SGPP2: variants seen among roughly 807,000 people sequenced by gnomAD.
The protein encoded by SGPP2 is sphingosine-1-phosphate phosphatase 2.
SGPP2 carries 30 observed loss-of-function variants against 33.9 expected under a neutral mutation model. The ratio of observed to expected loss-of-function variants is 0.89; its 90% CI spans 0.66 to 1.20. The LOEUF (loss-of-function observed/expected upper bound fraction) is 1.20, where lower values mean the gene tolerates loss of function less well. Ranked by LOEUF, SGPP2 falls within the 50% of genes most tolerant of loss-of-function variation. The pLI is 0.00. For synonymous variants in SGPP2, 233 were observed against 225.0 expected, an observed-to-expected ratio of 1.04 and a Z score of -0.32; for missense variants, 458 against 532.1, an observed-to-expected ratio of 0.86 and a Z score of 1.37.
At position 222,559,187 on chromosome 2, in the gene SGPP2, G is replaced by GCTC. The variant is rs1226609797; in HGVS notation, c.*293_*295dup. The GCTC allele has an allele frequency of 2.4e-5, 3 of 126,648 alleles. No homozygotes were observed. The African/African-American group carries it at 2.4e-4, about 10-fold the overall frequency. The allele number at this position is 126,648 out of a possible 1,614,324, so 7.8% of individuals were successfully genotyped here. A position where few individuals can be genotyped will look rare whatever the true frequency, so the allele number is the denominator to read the frequency against. ...CCCCCCCCCCCCCCGCCCGGCCCCT[G>GCTC]CTCCTCTCGCTGTTGCACGGGCTTT... is the stretch of plus-strand genomic sequence containing the variant. On this transcript the variant is annotated 3_prime_UTR_variant, in exon 5 of 5. Transcript: ENST00000321276.
intron 1 of SGPP2, among the ~76,000 whole-genome samples, chr2:222,461,332 T>A (rs1697656029): frequency 6.6e-6 from 1 of 152,102 alleles, no homozygotes; most frequent in Admixed American, 6.6e-5. Context: ...TGTCCGGCAT[T>A]GGTCCCAAGG....
At chr2:222,463,509 G>A (rs1440283367) in intron 1 of SGPP2, among the ~76,000 whole-genome samples, 2 of 152,148 alleles carry the variant, frequency 1.3e-5, no homozygotes, top group East Asian at 1.9e-4. Context: ...AGCCCAGTCT[G>A]GACTACAGAG....
intron 4 of SGPP2, among the ~76,000 whole-genome samples, chr2:222,543,470 C>T (rs1397694754): frequency 6.6e-6 from 1 of 152,202 alleles, no homozygotes; most frequent in African/African-American, 2.4e-5. Context: ...TATACATATG[C>T]ACCTCTGATA....
chr2:222,451,537 G>A (rs913111815), intron 1 of SGPP2, among the ~76,000 whole-genome samples: 6 of 152,184 alleles, frequency 3.9e-5, no homozygotes, highest in Admixed American at 3.9e-4. Context: ...ATGTCTGAAG[G>A]GCTGATGTGC....
chr2:222,459,677 C>A (rs1697630180), intron 1 of SGPP2, among the ~76,000 whole-genome samples: 1 of 151,868 alleles, frequency 6.6e-6, no homozygotes, highest in Non-Finnish European at 1.5e-5. Flanking sequence ...CAGAGATGGG[C>A]AGTGGGCAGA....
At chr2:222,528,523 T>C (rs955965903) in intron 4 of SGPP2, among the ~76,000 whole-genome samples, 1 of 152,196 alleles carries the variant, frequency 6.6e-6, no homozygotes, top group African/African-American at 2.4e-5. Flanking sequence ...CTGTGAGTCA[T>C]AATGTTTTTG....
chr2:222,520,280 ATTTTTTCATATC>A (rs1698663269), intron 2 of SGPP2, among the ~76,000 whole-genome samples: 1 of 151,808 alleles, frequency 6.6e-6, no homozygotes. Flanking sequence ...GATGCTGAGC[ATTTTTTCATATC>A]TTTTTTCAGT....
chr2:222,486,247 A>G (rs982052779), intron 2 of SGPP2, among the ~76,000 whole-genome samples: 23 of 152,204 alleles, frequency 1.5e-4, no homozygotes, highest in African/African-American at 5.3e-4. Context: ...CATGGGTGCC[A>G]GCCCCTCTCT....
At chr2:222,464,463 T>A (rs1468775880) in intron 1 of SGPP2, among the ~76,000 whole-genome samples, 1 of 152,212 alleles carries the variant, frequency 6.6e-6, no homozygotes, top group Non-Finnish European at 1.5e-5. Context: ...AAATGCTGTG[T>A]CCTTCAAGTA....
rs184776529 is a variant in SGPP2 at position 222,457,497 on chromosome 2, A to G, written c.220-17071A>G. The stretch of plus-strand genomic sequence containing the variant: ...ATTGCGAGCTTTTAAGGTAAACACA[A>G]ATGTAGACTGAGATTCCATAGGTCA... On this transcript the variant is annotated intron_variant, in intron 1 of 4. Coordinates refer to ENST00000321276, the MANE Select transcript of SGPP2 (RefSeq NM_152386.4). 2.6e-5 allele frequency among the ~76,000 whole-genome samples: 4 copies of G among 152,322 alleles called. No individual in the cohort carries two copies. In the East Asian group the frequency reaches 7.7e-4, roughly 29 times the overall value.
intron 2 of SGPP2, among the ~76,000 whole-genome samples, chr2:222,478,435 TG>T (rs978017285): frequency 1.3e-5 from 2 of 152,000 alleles, no homozygotes; most frequent in African/African-American, 2.4e-5. Context: ...TTTGGGAGCC[TG>T]GGGTGGTTAA....
intron 2 of SGPP2, among the ~76,000 whole-genome samples, chr2:222,506,410 G>C (rs931176676): frequency 2.6e-5 from 4 of 152,184 alleles, no homozygotes; most frequent in African/African-American, 7.2e-5. Flanking sequence ...ATGTACCGTA[G>C]GTTGAAGTCT....
rs934895483 is a variant in SGPP2, at chr2:222,533,797, T to A, written c.648+8764T>A. On this transcript the variant is annotated intron_variant, in intron 4 of 4. Coordinates refer to ENST00000321276, the MANE Select transcript of SGPP2 (RefSeq NM_152386.4). ...AGTTCTGGGCTTCATTTATTTTTTTTTTTTTTCTATTTCGCTCCTTAAAGG... is the reference window on the plus strand; with the variant it reads ...AGTTCTGGGCTTCATTTATTTTTTTATTTTTTCTATTTCGCTCCTTAAAGG... 8.6e-4 allele frequency among the ~76,000 whole-genome samples: 131 copies of A among 152,044 alleles called. 1 individual carries two copies. Among genetic ancestry groups the A allele is most frequent in the South Asian group, 5.4e-3 (26 of 4,804 alleles).
At chr2:222,521,976 A>T (rs112913785) in intron 3 of SGPP2, 30 bp downstream of exon 3, 1 of 1,471,320 alleles carries the variant, frequency 6.8e-7, no homozygotes, top group East Asian at 2.6e-5. Context: ...CTTCCTACCC[A>T]CCTACTGAGG....
At chr2:222,425,669 C>G (rs1037299520) in intron 1 of SGPP2, among the ~76,000 whole-genome samples, 1 of 152,198 alleles carries the variant, frequency 6.6e-6, no homozygotes, top group Non-Finnish European at 1.5e-5. Flanking sequence ...TGCCTTTTCC[C>G]TCGGCAAAGT....
rs960390617 is a variant in SGPP2, at chr2:222,465,859, G to C, written c.220-8709G>C. On this transcript the variant is annotated intron_variant, in intron 1 of 4. Coordinates refer to ENST00000321276, the MANE Select transcript of SGPP2 (RefSeq NM_152386.4). This position sits in a 1 kb window ranked among gnomAD's most constrained non-coding sequence, Gnocchi z 4.1. ...CTAAGTGTTCTCTCTCTGACCCGCA[G>C]ACCCTCAAAGAAGCAACACCTCTCC... 1.3e-5 allele frequency among the ~76,000 whole-genome samples: 2 copies of C among 152,252 alleles called. No individual in the cohort carries two copies. Among genetic ancestry groups the C allele is most frequent in the African/African-American group, 2.4e-5 (1 of 41,550 alleles).
chr2:222,444,203 T>A (rs1416424832), intron 1 of SGPP2, among the ~76,000 whole-genome samples: 1 of 152,224 alleles, frequency 6.6e-6, no homozygotes, highest in Non-Finnish European at 1.5e-5. Flanking sequence ...ATCTACTTTC[T>A]TATGCCACTT....
chr2:222,424,501 C>T, upstream of SGPP2: 2 of 843,222 alleles, frequency 2.4e-6, no homozygotes, highest in Non-Finnish European at 3.1e-6. Context: ...CCGGCCTCCG[C>T]CCGGAGTGCG....
intron 2 of SGPP2, among the ~76,000 whole-genome samples, chr2:222,493,336 C>G (rs908261957): frequency 6.6e-6 from 1 of 152,184 alleles, no homozygotes; most frequent in Non-Finnish European, 1.5e-5. Flanking sequence ...GAAGCAAGAG[C>G]AGGGAAAACT....
Sources: allele counts gnomAD v4.1 joint callset (sites outside exome capture counted in the v4.1 genomes callset), GRCh38; gene constraint gnomAD v4.1.1; non-coding constraint Gnocchi (gnomAD v3.1); transcripts MANE v1.5; gene names NCBI Gene and HGNC (gene_info 2026-07-23, HGNC 2026-07-21).